Variants in BCAS1 observed in about 807,000 individuals in gnomAD.
The protein encoded by BCAS1 is breast carcinoma-amplified sequence 1.
In BCAS1, 46 loss-of-function variants were observed where a neutral mutation model predicts 65.4. That is an observed-to-expected ratio of 0.70 (90% CI 0.55 to 0.90). The LOEUF is 0.90. BCAS1 is among the 40% of genes least tolerant of loss of function. The pLI, the probability that BCAS1 is intolerant of heterozygous loss-of-function variation, is 0.00. For missense variants in BCAS1, 793 were observed against 771.2 expected (o/e 1.03, Z -0.33); for synonymous variants, 298 against 293.5 (o/e 1.02, Z -0.16).
chr20:54,069,030 T>A (rs2092480870), intron 1 of BCAS1, among the ~76,000 whole-genome samples: 1 of 152,124 alleles, frequency 6.6e-6, no homozygotes. Flanking sequence ...CAGAACTCTT[T>A]GGAAAAAAAG....
At position 54,058,729 on chromosome 20, in the gene BCAS1, A is replaced by G; in HGVS notation, c.-5-6T>C. ...CATTTGGTTACCCATTGCTCCTATA[A>G]TGGAGAGAAAGAGAGGAAGAGAGAA... is the stretch of plus-strand genomic sequence containing the variant. On this transcript the variant is annotated splice_region_variant and splice_polypyrimidine_tract_variant and intron_variant, in intron 1 of 12. Transcript: ENST00000688948. 6.2e-7 allele frequency: 1 copy of G among 1,607,372 alleles called. No individual in the cohort carries two copies. Among genetic ancestry groups the G allele is most frequent in the African/African-American group, 1.3e-5 (1 of 74,444 alleles).
chr20:54,019,359 G>C (rs2091507913), intron 4 of BCAS1, among the ~76,000 whole-genome samples: 1 of 152,228 alleles, frequency 6.6e-6, no homozygotes, highest in Admixed American at 6.5e-5. Flanking sequence ...TTAGTAGGTG[G>C]ATGTCCATTG....
chr20:53,984,255 T>C (rs990394795), intron 8 of BCAS1, among the ~76,000 whole-genome samples: 3 of 152,192 alleles, frequency 2.0e-5, no homozygotes, highest in Admixed American at 6.5e-5. Context: ...TCTATTATAT[T>C]GCTGGTAAAA....
intron 7 of BCAS1, among the ~76,000 whole-genome samples, chr20:53,989,436 T>C (rs2090699033): frequency 6.6e-6 from 1 of 152,194 alleles, no homozygotes; most frequent in Admixed American, 6.5e-5. Flanking sequence ...ACCAAGAAAG[T>C]CTTGGTCATG....
At chr20:54,012,688 A>G (rs899466703) in intron 4 of BCAS1, among the ~76,000 whole-genome samples, 1 of 152,230 alleles carries the variant, frequency 6.6e-6, no homozygotes, top group African/African-American at 2.4e-5. Flanking sequence ...CGTAAAAATG[A>G]TCAGCCTTTA....
chr20:54,045,369 G>A (rs1243862263), intron 3 of BCAS1, among the ~76,000 whole-genome samples: 1 of 152,104 alleles, frequency 6.6e-6, no homozygotes, highest in African/African-American at 2.4e-5. Flanking sequence ...TAAAAAAAAT[G>A]AATTAAAGTT....
rs763605668 is a variant in BCAS1, at chr20:53,975,425, A to C, written c.1281T>G (p.Val427=). The C allele has an allele frequency of 1.9e-6, 3 of 1,612,168 alleles. 1 individual carries two copies. The South Asian group carries it at 3.3e-5, about 18-fold the overall frequency. The change falls in exon 9 of 13, where the codon GTT becomes GTG. Residue 427 remains valine, a synonymous_variant. Transcript: ENST00000688948. ...CACCTGTGGGGACTGAGTCCTCTTT[A>C]ACTGACTAAAGGAAGATAAAAACAA... ...PLGKLFWKKS[V]KEDSVPTGAE... is the part of the protein sequence containing the mutation.
Position 53,953,521 on chromosome 20 carries a change from C to T in BCAS1, c.1726G>A (p.Val576Met), listed in dbSNP as rs765270829. 8.7e-6 allele frequency: 14 copies of T among 1,613,994 alleles called. No individual in the cohort carries two copies. The South Asian group carries it at 1.4e-4, about 16-fold the overall frequency. Residue 576 changes from valine (V) to methionine (M), a missense_variant, in exon 12 of 13, where the codon GTG becomes ATG. By Grantham distance (21) the Val-to-Met change is conservative. Coordinates refer to ENST00000688948, the MANE Select transcript of BCAS1 (RefSeq NM_001366298.2). ...CCATTCTGCAGTGAGTTCGTGTCCA[C>T]CGTGGCCTGCTCTGTGCACTGGGCT... Reference protein sequence around the residue: ...EPAQCTEQATVDTNSLQNGDK... With the variant: ...EPAQCTEQATMDTNSLQNGDK...
At chr20:54,043,371 G>C (rs1202552766) in intron 3 of BCAS1, among the ~76,000 whole-genome samples, 1 of 151,976 alleles carries the variant, frequency 6.6e-6, no homozygotes, top group Admixed American at 6.5e-5. Flanking sequence ...AGGGATTTGA[G>C]GTAGGGAAAA....
chr20:54,058,609 T>C, intron 2 of BCAS1, 38 bp downstream of exon 2: 2 of 1,517,650 alleles, frequency 1.3e-6, no homozygotes, highest in Non-Finnish European at 1.7e-6. Context: ...TTTTTTTTTT[T>C]TTTTCTGCTG....
At chr20:53,962,870 A>G (rs1164106984) in intron 10 of BCAS1, among the ~76,000 whole-genome samples, 1 of 152,142 alleles carries the variant, frequency 6.6e-6, no homozygotes, top group Non-Finnish European at 1.5e-5. Flanking sequence ...TATTTATTTA[A>G]GACGGAGTCT....
chr20:54,050,782 C>T (rs776542299), intron 3 of BCAS1, among the ~76,000 whole-genome samples: 2 of 152,146 alleles, frequency 1.3e-5, no homozygotes, highest in Non-Finnish European at 2.9e-5. Flanking sequence ...CTCTGGGGTC[C>T]CCCTTGAGAA....
chr20:54,016,133 C>A (rs2091433139), intron 4 of BCAS1, among the ~76,000 whole-genome samples: 1 of 152,172 alleles, frequency 6.6e-6, no homozygotes. Flanking sequence ...ATTATACTAT[C>A]ACTTTCTTCA....
At chr20:54,041,847 C>T (rs950731041) in intron 3 of BCAS1, among the ~76,000 whole-genome samples, 1 of 86,794 alleles carries the variant, frequency 1.2e-5, no homozygotes, top group Admixed American at 1.2e-4. Context: ...TGCAGTGAGC[C>T]GAGATTGTGC....
rs959707970 is a variant in BCAS1, at chr20:54,025,311, C to T, written c.723+3081G>A. ...TCTTTTAAATGCATATCTTACAGCT[C>T]TGGTTCAGTTGTTGTGGGGAGAGGA... is the stretch of plus-strand genomic sequence containing the variant. On this transcript the variant is annotated intron_variant, in intron 4 of 12. Coordinates refer to ENST00000688948, the MANE Select transcript of BCAS1 (RefSeq NM_001366298.2). Among the ~76,000 whole-genome samples, 30 of 152,224 alleles carry T rather than the reference C, an allele frequency of 2.0e-4. 1 individual carries two copies. Among genetic ancestry groups the T allele is most frequent in the Middle Eastern group, 6.8e-3 (2 of 294 alleles).
Position 53,953,496 on chromosome 20 carries a change from C to G in BCAS1, c.1751G>C (p.Gly584Ala). Residue 584 changes from glycine (G) to alanine (A), a missense_variant, in exon 12 of 13, where the codon GGG (glycine) becomes GCG (alanine). Coordinates refer to ENST00000688948, the MANE Select transcript of BCAS1 (RefSeq NM_001366298.2). ...ATVDTNSLQN[G>A]DKLQKRPEKR... ...CTCAGGTCTCTTTTGGAGCTTGTCC[C>G]CATTCTGCAGTGAGTTCGTGTCCAC... The G allele has an allele frequency of 6.2e-7, 1 of 1,614,032 alleles. No individual in the cohort carries two copies. Among genetic ancestry groups the G allele is most frequent in the South Asian group, 1.1e-5 (1 of 91,076 alleles).
chr20:54,017,544 C>T (rs942067946), intron 4 of BCAS1, among the ~76,000 whole-genome samples: 5 of 151,956 alleles, frequency 3.3e-5, no homozygotes, highest in African/African-American at 7.3e-5. Flanking sequence ...TATAGGCGTG[C>T]ACCACCATGC....
At chr20:54,005,261 G>A (rs571226206) in intron 4 of BCAS1, among the ~76,000 whole-genome samples, 13 of 125,488 alleles carry the variant, frequency 1.0e-4, no homozygotes, top group African/African-American at 3.6e-4. Flanking sequence ...TTCAAGACCA[G>A]CCTGGGCAAT....
At position 54,058,105 on chromosome 20, in the gene BCAS1, G is replaced by T. The variant is rs1213521829; in HGVS notation, c.122C>A (p.Thr41Lys). 6.2e-7 allele frequency: 1 copy of T among 1,613,310 alleles called. No individual in the cohort carries two copies. Among genetic ancestry groups the T allele is most frequent in the Admixed American group, 1.7e-5 (1 of 59,934 alleles). ...CTGACCTTCCTCTAAGTGCTGAACT[G>T]TGTGGGTCGACACCACCACTGGAAC... ...NGVPVVVSTH[T>K]VQHLEEVDLG... The change falls in exon 3 of 13, where the codon ACA becomes AAA. Residue 41 changes from threonine (T) to lysine (K), a missense_variant. By Grantham distance (78) the Thr-to-Lys change is moderately conservative (BLOSUM62 -1). Coordinates refer to ENST00000688948, the MANE Select transcript of BCAS1 (RefSeq NM_001366298.2).
Sources: gnomAD v4.1 joint callset for allele counts (sites outside exome capture counted in the v4.1 genomes callset) on GRCh38, gnomAD v4.1.1 for gene constraint, MANE v1.5 for transcripts, NCBI Gene and HGNC (gene_info 2026-07-23, HGNC 2026-07-21) for gene names.